The following METTL8 variants were observed in gnomAD, a reference collection of about 807,000 sequenced individuals.
METTL8 encodes the protein tRNA N(3)-cytidine methyltransferase METTL8, mitochondrial.
A neutral mutation model predicts 48.7 loss-of-function variants in METTL8; 32 were observed. The ratio of observed to expected loss-of-function variants is 0.66; its 90% CI spans 0.50 to 0.88. The LOEUF is 0.88. METTL8 is among the 40% of genes least tolerant of loss of function. The pLI is 0.00. For synonymous variants in METTL8, 136 were observed against 157.1 expected (o/e 0.87, Z 1.01); for missense variants, 464 against 474.4 (o/e 0.98, Z 0.20).
In METTL8 at chr2:171,321,456, T is replaced by C. The variant is rs1559032673; in HGVS notation, c.*2716A>G. The C allele has an allele frequency of 6.6e-6, 1 of 152,232 alleles. No individual in the cohort carries two copies. Among genetic ancestry groups the C allele is most frequent in the Non-Finnish European group, 1.5e-5 (1 of 68,082 alleles). The allele number at this position is 152,232 out of a possible 1,614,324, so 9.4% of individuals were successfully genotyped here. A position where few individuals can be genotyped will look rare whatever the true frequency, so the allele number is the denominator to read the frequency against. Reference sequence around the variant, plus strand: ...TGGTAGAGATAGGGTTTTTCCCATGTTGCCCATTCTGGTGGCATCATCAAT... The same window carrying C: ...TGGTAGAGATAGGGTTTTTCCCATGCTGCCCATTCTGGTGGCATCATCAAT... On this transcript the variant is annotated 3_prime_UTR_variant, in exon 10 of 10. Coordinates refer to ENST00000375258, the MANE Select transcript of METTL8 (RefSeq NM_001321154.2).
At chr2:171,340,804 T>C (rs186916509) in intron 3 of METTL8, among the ~76,000 whole-genome samples, 6 of 152,170 alleles carry the variant, frequency 3.9e-5, no homozygotes, top group Non-Finnish European at 8.8e-5. Context: ...TCCATGGCCA[T>C]GTCTCCTGAC....
chr2:171,326,070 A>G lies in METTL8; in HGVS notation c.939T>C (p.Tyr313=), dbSNP rs756860169. Residue 313 remains tyrosine (Y), a synonymous_variant, in exon 8 of 10, where the codon TAT becomes TAC. Transcript: ENST00000375258. The part of the protein sequence containing the change: ...GMLLFRDYGR[Y]DKTQLRFKKG... ...TTTTAAAACGAAGCTGAGTCTTATC[A>G]TATCTTCCATAGTCTCGAAATAACA... 17 of 1,548,224 alleles carry G rather than the reference A, an allele frequency of 1.1e-5. No homozygotes were observed. The African/African-American group carries it at 1.9e-4, about 17-fold the overall frequency.
At chr2:171,393,245 A>G (rs565499388) in intron 1 of METTL8, among the ~76,000 whole-genome samples, 1 of 152,092 alleles carries the variant, frequency 6.6e-6, no homozygotes, top group Non-Finnish European at 1.5e-5. Context: ...ACATAGTGAG[A>G]CCGTTTCTTC....
intron 2 of METTL8, among the ~76,000 whole-genome samples, chr2:171,371,869 TTG>T (rs1686395593): frequency 6.9e-6 from 1 of 145,908 alleles, no homozygotes; most frequent in Non-Finnish European, 1.5e-5. Flanking sequence ...ATTATTATTA[TTG>T]TAGAGACGGG....
intron 2 of METTL8, among the ~76,000 whole-genome samples, chr2:171,372,915 G>C (rs1456041572): frequency 6.6e-6 from 1 of 152,094 alleles, no homozygotes; most frequent in African/African-American, 2.4e-5. Flanking sequence ...CCAAGTCTTT[G>C]CTATTGTGAA....
At chr2:171,390,986 A>G (rs904797983) in intron 2 of METTL8, among the ~76,000 whole-genome samples, 1 of 152,190 alleles carries the variant, frequency 6.6e-6, no homozygotes, top group African/African-American at 2.4e-5. Flanking sequence ...CTGTAGGTAA[A>G]ATGCTATCAA....
intron 2 of METTL8, among the ~76,000 whole-genome samples, chr2:171,390,303 A>G (rs1688467132): frequency 6.6e-6 from 1 of 152,238 alleles, no homozygotes; most frequent in African/African-American, 2.4e-5. Context: ...ATGTACAAGG[A>G]TATTAATGTT....
At chr2:171,381,817 C>G (rs1024447139) in intron 2 of METTL8, among the ~76,000 whole-genome samples, 1 of 140,482 alleles carries the variant, frequency 7.1e-6, no homozygotes, top group East Asian at 2.1e-4. Context: ...GAGTCTTGCT[C>G]TGTAACCAGG....
intron 1 of METTL8, among the ~76,000 whole-genome samples, chr2:171,418,856 G>C (rs1320133588): frequency 6.6e-6 from 1 of 152,116 alleles, no homozygotes; most frequent in Non-Finnish European, 1.5e-5. Context: ...TTGGGAGGCT[G>C]AGGTGGGAAG....
At chr2:171,386,228 A>C (rs979058447) in intron 2 of METTL8, among the ~76,000 whole-genome samples, 1 of 152,216 alleles carries the variant, frequency 6.6e-6, no homozygotes, top group Non-Finnish European at 1.5e-5. Context: ...AAAACAAAAA[A>C]AATTGATAAA....
rs6745676 is a variant in METTL8, at chr2:171,357,725, C to T, written c.235+2697G>A. Among the ~76,000 whole-genome samples, 527 of 151,362 alleles carry T rather than the reference C, an allele frequency of 3.5e-3. 2 individuals carry two copies. The highest frequency in any genetic ancestry group is 0.011 in the African/African-American group (473 of 41,238). Reference sequence around the variant, plus strand: ...CTTTTTTTTTTTTGAGACAGGTTCTCGCTCTGTCACCCAGTCTGGAGTGCA... The same window carrying T: ...CTTTTTTTTTTTTGAGACAGGTTCTTGCTCTGTCACCCAGTCTGGAGTGCA... On this transcript the variant is annotated intron_variant, in intron 3 of 9. Transcript: ENST00000375258.
At chr2:171,402,163 G>C (rs1449009575) in intron 1 of METTL8, among the ~76,000 whole-genome samples, 15 of 152,154 alleles carry the variant, frequency 9.9e-5, no homozygotes, top group Non-Finnish European at 2.1e-4. Flanking sequence ...ATTCCACGGA[G>C]AGAAGGGTAA....
upstream of METTL8, chr2:171,434,032 A>C (rs1693518110): frequency 3.6e-6 from 1 of 279,868 alleles, no homozygotes; most frequent in African/African-American, 2.4e-5. Flanking sequence ...CAGGGCGCAC[A>C]CACGGGGCGG....
rs183384556 is a variant in METTL8 at position 171,414,267 on chromosome 2, A to T, written c.-13+19616T>A. ...ACCCCATTTCTACTAAAAATACGAA[A>T]TTAGCTGGGTGTGGTGGTACATGCC... On this transcript the variant is annotated intron_variant, in intron 1 of 9. Transcript: ENST00000375258. Among the ~76,000 whole-genome samples the T allele has an allele frequency of 1.5e-3, 233 of 152,166 alleles. 1 individual carries two copies. Among genetic ancestry groups the T allele is most frequent in the Middle Eastern group, 6.8e-3 (2 of 292 alleles).
At position 171,346,982 on chromosome 2, in the gene METTL8, T is replaced by C. The variant is rs77842125; in HGVS notation, c.236-7428A>G. Among the ~76,000 whole-genome samples, 291 of 152,270 alleles carry C rather than the reference T, an allele frequency of 1.9e-3. 7 individuals are homozygous for C. In the East Asian group the frequency reaches 0.029, roughly 15 times the overall value. ...TATTCTTCCTTTACCACCCTCCGGG[T>C]AGCCTCAGTTATTGCTCTGTGTGCC... On this transcript the variant is annotated intron_variant, in intron 3 of 9. Coordinates refer to ENST00000375258, the MANE Select transcript of METTL8 (RefSeq NM_001321154.2).
At chr2:171,388,343 C>T (rs57396064) in intron 2 of METTL8, among the ~76,000 whole-genome samples, 5,434 of 152,116 alleles carry the variant, frequency 0.036, 326 homozygotes, top group African/African-American at 0.12. Flanking sequence ...CTCTATAATG[C>T]CTTATACTTC....
intron 2 of METTL8, among the ~76,000 whole-genome samples, chr2:171,385,331 T>A (rs1687941723): frequency 6.7e-6 from 1 of 149,330 alleles, no homozygotes; most frequent in African/African-American, 2.5e-5. Flanking sequence ...GGCAAGACCC[T>A]GTCTCAAAAA....
At chr2:171,414,867 A>C (rs1691137796) in intron 1 of METTL8, 1 of 152,152 alleles carries the variant, frequency 6.6e-6, no homozygotes, top group South Asian at 2.1e-4. Context: ...GTGGGAGATA[A>C]ATGAATCATG....
At position 171,412,543 on chromosome 2, in the gene METTL8, A is replaced by G. The variant is rs117229599; in HGVS notation, c.-12-20346T>C. Among the ~76,000 whole-genome samples the G allele has an allele frequency of 1.4e-3, 216 of 152,310 alleles. 3 individuals are homozygous for G. The highest frequency in any genetic ancestry group is 0.014 in the East Asian group (73 of 5,180). ...CCTTTAGGCAGTCTTCAAAAGGCTA[A>G]AATTATTTTCATGATAATATCAACA... On this transcript the variant is annotated intron_variant, in intron 1 of 9. Coordinates refer to ENST00000375258, the MANE Select transcript of METTL8 (RefSeq NM_001321154.2).
Sources: gnomAD v4.1 joint callset for allele counts (sites outside exome capture counted in the v4.1 genomes callset) on GRCh38, gnomAD v4.1.1 for gene constraint, MANE v1.5 for transcripts, NCBI Gene and HGNC (gene_info 2026-07-23, HGNC 2026-07-21) for gene names.